The following MYO5B variants were observed in gnomAD, a reference collection of about 807,000 sequenced individuals.
The protein encoded by MYO5B is unconventional myosin-Vb.
A neutral mutation model predicts 229.3 loss-of-function variants in MYO5B; 143 were observed. The observed-to-expected ratio is 0.62, with a 90% CI of 0.54 to 0.72. MYO5B has a LOEUF of 0.72. Ranked by LOEUF, MYO5B falls within the 30% of genes least tolerant of loss-of-function variation. The pLI, the probability that MYO5B is intolerant of heterozygous loss-of-function variation, is 0.00. For missense variants in MYO5B, 2,321 were observed against 2,331.0 expected, an observed-to-expected ratio of 1.00 and a Z score of 0.09; for synonymous variants, 918 against 885.2, an observed-to-expected ratio of 1.04 and a Z score of -0.66.
chr18:49,826,590 G>C lies in MYO5B; in HGVS notation c.5428C>G (p.Leu1810Val), dbSNP rs2023849595. 1 of 1,613,824 alleles carries C rather than the reference G, an allele frequency of 6.2e-7. No individual in the cohort carries two copies. The highest frequency in any genetic ancestry group is 8.5e-7 in the Non-Finnish European group (1 of 1,179,926). The stretch of plus-strand genomic sequence containing the variant: ...AACATGTGCTTGGCATCTAATAGCA[G>C]TTGCTGAGGGTCATTCCGCTCTTGT... ...QLQERNDPQQ[L>V]LLDAKHMFPV... Residue 1810 changes from leucine to valine, a missense_variant, in exon 40 of 40, where the codon CTG (leucine) becomes GTG (valine). This residue lies in a region of MYO5B where 208 missense variants were observed against 286.3 expected (regional missense o/e 0.73). Coordinates refer to ENST00000285039, the MANE Select transcript of MYO5B (RefSeq NM_001080467.3).
At chr18:50,000,527 T>G (rs1418913571) in intron 5 of MYO5B, among the ~76,000 whole-genome samples, 1 of 152,156 alleles carries the variant, frequency 6.6e-6, no homozygotes, top group Non-Finnish European at 1.5e-5. Context: ...TCCATCAAAA[T>G]GAAGGTTTCA....
chr18:50,091,541 C>T (rs1317564529), intron 1 of MYO5B, among the ~76,000 whole-genome samples: 1 of 152,172 alleles, frequency 6.6e-6, no homozygotes, highest in Non-Finnish European at 1.5e-5. Context: ...ACTCAGAGAA[C>T]CTAACGGATG....
intron 12 of MYO5B, among the ~76,000 whole-genome samples, chr18:49,956,861 C>T (rs1023024767): frequency 2.0e-5 from 3 of 152,038 alleles, no homozygotes; most frequent in Admixed American, 2.0e-4. Context: ...ATTAAATGCC[C>T]AGAATAGGCA....
At chr18:49,881,643 A>G (rs1034987329) in intron 22 of MYO5B, among the ~76,000 whole-genome samples, 6 of 152,004 alleles carry the variant, frequency 3.9e-5, no homozygotes, top group Non-Finnish European at 8.8e-5. Flanking sequence ...TCTACTAAAA[A>G]TACAAAAAAT....
Position 49,947,129 on chromosome 18 carries a change from G to A in MYO5B, c.1752+6131C>T, listed in dbSNP as rs111639772. Among the ~76,000 whole-genome samples the A allele has an allele frequency of 8.2e-5, 10 of 122,380 alleles. No individual in the cohort carries two copies. The South Asian group carries it at 1.1e-3, about 13-fold the overall frequency. The allele number at this position is 122,380 out of a possible 152,430, so 80.3% of individuals were successfully genotyped here. A position where few individuals can be genotyped will look rare whatever the true frequency, so the allele number is the denominator to read the frequency against. ...TTTTTTTTTTTTTTTTTTTTGAGAC[G>A]GAGTCTCACTCTGTCACCCAGGCTG... On this transcript the variant is annotated intron_variant, in intron 14 of 39. Coordinates refer to ENST00000285039, the MANE Select transcript of MYO5B (RefSeq NM_001080467.3).
intron 7 of MYO5B, among the ~76,000 whole-genome samples, chr18:49,985,917 C>T (rs749472699): frequency 3.9e-5 from 6 of 152,190 alleles, no homozygotes; most frequent in Non-Finnish European, 8.8e-5. Flanking sequence ...ATCCTGATTG[C>T]CATTGCCCTT....
At chr18:50,059,970 G>T (rs1246145215) in intron 1 of MYO5B, among the ~76,000 whole-genome samples, 1 of 152,192 alleles carries the variant, frequency 6.6e-6, no homozygotes, top group African/African-American at 2.4e-5. Context: ...TAAGAAGGGA[G>T]AGACAAGACC....
chr18:50,155,877 T>C (rs558154469), intron 1 of MYO5B, among the ~76,000 whole-genome samples: 4 of 152,206 alleles, frequency 2.6e-5, no homozygotes, highest in Non-Finnish European at 5.9e-5. Context: ...AACATAAGTT[T>C]GGTTTTCAAA....
intron 1 of MYO5B, among the ~76,000 whole-genome samples, chr18:50,075,179 C>T (rs1013816561): frequency 1.3e-5 from 2 of 152,096 alleles, no homozygotes; most frequent in African/African-American, 4.8e-5. Flanking sequence ...CTAGAACAGA[C>T]CATGGGAGCG....
At chr18:50,165,020 T>C (rs1175570319) in intron 1 of MYO5B, among the ~76,000 whole-genome samples, 1 of 152,216 alleles carries the variant, frequency 6.6e-6, no homozygotes, top group African/African-American at 2.4e-5. Context: ...TGGCAGGGCT[T>C]TGGAGCATCT....
At chr18:49,997,457 T>C (rs2144321142) in intron 5 of MYO5B, among the ~76,000 whole-genome samples, 1 of 149,944 alleles carries the variant, frequency 6.7e-6, no homozygotes, top group African/African-American at 2.5e-5. Context: ...GTCTCCTTTC[T>C]TTCTCCCAGA....
chr18:49,862,343 G>A (rs772406905), intron 29 of MYO5B, among the ~76,000 whole-genome samples: 22 of 152,162 alleles, frequency 1.4e-4, no homozygotes, highest in Non-Finnish European at 2.5e-4. Flanking sequence ...TGAGGAAGCA[G>A]ATGATAACAA....
At chr18:49,963,377 T>C (rs912492260) in intron 10 of MYO5B, among the ~76,000 whole-genome samples, 4 of 151,842 alleles carry the variant, frequency 2.6e-5, no homozygotes, top group African/African-American at 7.2e-5. Context: ...AAGTCAGAAC[T>C]ATGTAACATT....
chr18:50,115,537 CACACAGAGAG>C (rs1366189131), intron 1 of MYO5B, among the ~76,000 whole-genome samples: 1 of 66,464 alleles, frequency 1.5e-5, no homozygotes, highest in East Asian at 3.8e-4. Flanking sequence ...CACACACACA[CACACAGAGAG>C]ACACACACAC....
intron 1 of MYO5B, among the ~76,000 whole-genome samples, chr18:50,088,018 G>A (rs2031368957): frequency 6.6e-6 from 1 of 152,180 alleles, no homozygotes; most frequent in Non-Finnish European, 1.5e-5. Context: ...TGGAAGCAGG[G>A]ACTTTGAGCA....
At chr18:49,974,757 G>T in intron 9 of MYO5B, 142 bp from the exon 10 acceptor site, 1 of 582,210 alleles carries the variant, frequency 1.7e-6, no homozygotes, top group Admixed American at 3.7e-5. Flanking sequence ...CACATGCCCT[G>T]CTGCCAGCCC....
At chr18:49,984,306 A>C (rs1598931655) in intron 8 of MYO5B, among the ~76,000 whole-genome samples, 1 of 152,174 alleles carries the variant, frequency 6.6e-6, no homozygotes, top group Non-Finnish European at 1.5e-5. Flanking sequence ...GCCTGCTTCC[A>C]ACTCTGATTT....
intron 10 of MYO5B, among the ~76,000 whole-genome samples, chr18:49,969,542 C>A (rs1224399351): frequency 6.6e-6 from 1 of 152,174 alleles, no homozygotes; most frequent in African/African-American, 2.4e-5. Context: ...CGTGTACTTT[C>A]ATTTTCAATA....
chr18:49,922,883 G>A (rs541933925), intron 17 of MYO5B, among the ~76,000 whole-genome samples: 3 of 152,310 alleles, frequency 2.0e-5, no homozygotes, highest in South Asian at 2.1e-4. Flanking sequence ...TAAGAGGCCA[G>A]GGGTTGTGGG....
Sources: gnomAD v4.1 joint callset for allele counts (sites outside exome capture counted in the v4.1 genomes callset) on GRCh38, gnomAD v4.1.1 for gene constraint, gnomAD v4.1.1 regional missense constraint, MANE v1.5 for transcripts, NCBI Gene and HGNC (gene_info 2026-07-23, HGNC 2026-07-21) for gene names.